Variants in SAMD12 observed in about 807,000 individuals in gnomAD.
SAMD12 encodes sterile alpha motif domain containing 12.
Under a neutral mutation model 15.0 loss-of-function variants are expected in SAMD12, and 9 were observed. The ratio of observed to expected loss-of-function variants is 0.60; its 90% CI spans 0.36 to 1.05. The LOEUF is 1.05. Ranked by LOEUF, SAMD12 falls within the 50% of genes least tolerant of loss-of-function variation. SAMD12 has a pLI of 0.01. For synonymous variants in SAMD12, 86 were observed against 90.1 expected (o/e 0.96, Z 0.25); for missense variants, 230 against 234.2 (o/e 0.98, Z 0.12).
chr8:118,537,159 C>T (rs539836985), intron 2 of SAMD12, among the ~76,000 whole-genome samples: 98 of 152,232 alleles, frequency 6.4e-4, no homozygotes, highest in African/African-American at 2.2e-3. Context: ...TACATTGAAG[C>T]TCCTTTTTAT....
intron 2 of SAMD12, among the ~76,000 whole-genome samples, chr8:118,578,364 T>C (rs1282657298): frequency 6.6e-6 from 1 of 152,192 alleles, no homozygotes; most frequent in Non-Finnish European, 1.5e-5. Context: ...GGTAAGTTCC[T>C]ACAGAGGGAA....
At chr8:118,164,016 A>T in the SAMD12 span, among the ~76,000 whole-genome samples, 1 of 152,226 alleles carries the variant, frequency 6.6e-6, no homozygotes. Context: ...CCAACTTTAC[A>T]CATGTGCTTT....
intron 4 of SAMD12, among the ~76,000 whole-genome samples, chr8:118,238,463 A>G (rs1812483695): frequency 6.6e-6 from 1 of 152,136 alleles, no homozygotes; most frequent in Non-Finnish European, 1.5e-5. Context: ...GAGACCCTGA[A>G]TCATATCTCA....
the SAMD12 span, among the ~76,000 whole-genome samples, chr8:118,176,456 A>G: frequency 6.6e-6 from 1 of 152,238 alleles, no homozygotes; most frequent in Non-Finnish European, 1.5e-5. Context: ...AATGTGGTAC[A>G]TATATACCAT....
intron 3 of SAMD12, among the ~76,000 whole-genome samples, chr8:118,382,557 T>C (rs970865908): frequency 1.1e-4 from 17 of 152,204 alleles, no homozygotes; most frequent in African/African-American, 4.1e-4. Flanking sequence ...AGTCAGAAAA[T>C]TCTGTCAGTT....
chr8:118,453,443 C>T (rs1297525479), intron 2 of SAMD12, among the ~76,000 whole-genome samples: 1 of 152,020 alleles, frequency 6.6e-6, no homozygotes, highest in Non-Finnish European at 1.5e-5. Context: ...TTTTCATATG[C>T]CAGCAGTTGC....
chr8:118,404,102 C>T (rs569359956), intron 3 of SAMD12, among the ~76,000 whole-genome samples: 1 of 152,172 alleles, frequency 6.6e-6, no homozygotes, highest in South Asian at 2.1e-4. Context: ...TCCATCTCAA[C>T]CTCCCAAGTA....
intron 1 of SAMD12, among the ~76,000 whole-genome samples, chr8:118,608,995 CT>C (rs1157608855): frequency 2.0e-5 from 3 of 152,222 alleles, no homozygotes; most frequent in African/African-American, 7.2e-5. Context: ...CAGCATATTT[CT>C]GGTCCTAAAA....
chr8:118,492,073 C>A (rs1196979772), intron 2 of SAMD12, among the ~76,000 whole-genome samples: 1 of 149,196 alleles, frequency 6.7e-6, no homozygotes, highest in African/African-American at 2.5e-5. Context: ...CATTCTCACT[C>A]GCAATGTATG....
intron 2 of SAMD12, among the ~76,000 whole-genome samples, chr8:118,474,018 G>A (rs1823886478): frequency 6.6e-6 from 1 of 152,198 alleles, no homozygotes; most frequent in African/African-American, 2.4e-5. Context: ...GAATTCAGTG[G>A]TGTGATCCTG....
At chr8:118,458,644 C>A (rs1046200231) in intron 2 of SAMD12, among the ~76,000 whole-genome samples, 1 of 152,108 alleles carries the variant, frequency 6.6e-6, no homozygotes, top group Admixed American at 6.6e-5. Context: ...TACTCATCAG[C>A]GAAGTCATTT....
intron 2 of SAMD12, among the ~76,000 whole-genome samples, chr8:118,477,817 T>C (rs530519835): frequency 8.6e-5 from 13 of 151,932 alleles, no homozygotes; most frequent in Admixed American, 7.2e-4. Context: ...ATCGAGACCA[T>C]CCTGGCTAAC....
At chr8:118,230,729 T>TA (rs1812294074) in intron 4 of SAMD12, among the ~76,000 whole-genome samples, 1 of 150,648 alleles carries the variant, frequency 6.6e-6, no homozygotes, top group African/African-American at 2.5e-5. Flanking sequence ...AAATAGCAAG[T>TA]GGAAAGGCCC....
chr8:118,570,386 G>T (rs142842260), intron 2 of SAMD12, among the ~76,000 whole-genome samples: 1 of 152,146 alleles, frequency 6.6e-6, no homozygotes, highest in African/African-American at 2.4e-5. Context: ...ACAGGGTCCC[G>T]TATGTGTTGT....
chr8:118,228,875 G>A (rs184141263), intron 4 of SAMD12, among the ~76,000 whole-genome samples: 5 of 152,132 alleles, frequency 3.3e-5, no homozygotes, highest in Admixed American at 6.6e-5. Context: ...TTGCTAAATC[G>A]CGGAACAAAT....
At chr8:118,443,839 G>A (rs1390148002) in intron 2 of SAMD12, among the ~76,000 whole-genome samples, 2 of 152,184 alleles carry the variant, frequency 1.3e-5, no homozygotes, top group African/African-American at 4.8e-5. Flanking sequence ...GCTACCAAAT[G>A]TTGGGAGTGA....
intron 4 of SAMD12, among the ~76,000 whole-genome samples, chr8:118,279,516 A>T (rs2130148156): frequency 6.6e-6 from 1 of 152,336 alleles, no homozygotes; most frequent in Non-Finnish European, 1.5e-5. Flanking sequence ...TTACGTGAGA[A>T]GTGATGCAAA....
intron 2 of SAMD12, among the ~76,000 whole-genome samples, chr8:118,576,717 AACC>A (rs1284555463): frequency 6.6e-6 from 1 of 152,192 alleles, no homozygotes; most frequent in Non-Finnish European, 1.5e-5. Flanking sequence ...TGCTATGTGG[AACC>A]ACTCCTGGTC....
chr8:118,552,288 G>A (rs1292436330), intron 2 of SAMD12, among the ~76,000 whole-genome samples: 13 of 152,106 alleles, frequency 8.5e-5, no homozygotes, highest in East Asian at 5.8e-4. Context: ...ATAAAATACC[G>A]GCAAACCGAA....
Sources: gnomAD v4.1 joint callset for allele counts (sites outside exome capture counted in the v4.1 genomes callset) on GRCh38, gnomAD v4.1.1 for gene constraint, MANE v1.5 for transcripts, NCBI Gene and HGNC (gene_info 2026-07-23, HGNC 2026-07-21) for gene names.